SHLD2: variants seen among roughly 807,000 people sequenced by gnomAD.
The protein encoded by SHLD2 is shieldin complex subunit 2, also known as RINN1-REV7-interacting novel NHEJ regulator 2.
Under a neutral mutation model 73.2 loss-of-function variants are expected in SHLD2, and 30 were observed. The ratio of observed to expected loss-of-function variants is 0.41; its 90% CI spans 0.31 to 0.56. The LOEUF is 0.56. Ranked by LOEUF, SHLD2 falls within the 20% of genes least tolerant of loss-of-function variation. The pLI is 0.28. For synonymous variants in SHLD2, 285 were observed against 370.1 expected (o/e 0.77, Z 2.64); for missense variants, 745 against 1,055.9 (o/e 0.71, Z 4.08).
At chr10:87,144,543 C>T (rs1273376896) in intron 2 of SHLD2, among the ~76,000 whole-genome samples, 1 of 151,106 alleles carries the variant, frequency 6.6e-6, no homozygotes, top group African/African-American at 2.4e-5. Context: ...ATCTTATATC[C>T]TTTCATAAGT....
chr10:87,160,843 T>A (rs1295196996), intron 4 of SHLD2, among the ~76,000 whole-genome samples: 4 of 151,928 alleles, frequency 2.6e-5, no homozygotes, highest in African/African-American at 9.7e-5. Context: ...GATGAAAAAT[T>A]AGCCAGGTGT....
At chr10:87,112,413 C>G (rs2134012795) in intron 2 of SHLD2, among the ~76,000 whole-genome samples, 1 of 151,998 alleles carries the variant, frequency 6.6e-6, no homozygotes, top group Middle Eastern at 3.4e-3. Flanking sequence ...GCCTATAATC[C>G]CAGCACTTTG....
intron 2 of SHLD2, among the ~76,000 whole-genome samples, chr10:87,121,905 C>T (rs1325118081): frequency 3.3e-5 from 5 of 151,706 alleles, no homozygotes; most frequent in Admixed American, 1.3e-4. Flanking sequence ...GCTGGGATCA[C>T]AGGTATATGT....
intron 2 of SHLD2, among the ~76,000 whole-genome samples, chr10:87,123,446 T>C (rs1398981404): frequency 2.6e-5 from 4 of 151,982 alleles, no homozygotes; most frequent in African/African-American, 7.2e-5. Flanking sequence ...GAACTACAGG[T>C]GTGCATGCCT....
At chr10:87,174,148 A>G (rs1352466068) in intron 6 of SHLD2, among the ~76,000 whole-genome samples, 2 of 151,944 alleles carry the variant, frequency 1.3e-5, no homozygotes, top group East Asian at 1.9e-4. Context: ...GGTATCATGT[A>G]TAATTGTGAA....
At chr10:87,160,857 G>A (rs906439737) in intron 4 of SHLD2, among the ~76,000 whole-genome samples, 11 of 151,990 alleles carry the variant, frequency 7.2e-5, no homozygotes, top group African/African-American at 2.7e-4. Context: ...CAGGTGTGGT[G>A]GTGCATGCCT....
At chr10:87,131,285 T>C (rs1205971428) in intron 2 of SHLD2, among the ~76,000 whole-genome samples, 1 of 152,112 alleles carries the variant, frequency 6.6e-6, no homozygotes, top group East Asian at 1.9e-4. Context: ...TCACAATGTT[T>C]TACAGCCATC....
chr10:87,094,980 C>T (rs1208909998), upstream of SHLD2: 4 of 202,618 alleles, frequency 2.0e-5, no homozygotes, highest in Non-Finnish European at 9.7e-6. The surrounding 1 kb of genome is among the most constrained non-coding windows in gnomAD (Gnocchi z 6.6). Flanking sequence ...CGGGCCTCCG[C>T]CTCCGCCGCG....
upstream of SHLD2, chr10:87,094,857 C>T: frequency 1.8e-6 from 2 of 1,091,102 alleles, no homozygotes; most frequent in Non-Finnish European, 2.6e-6. This position sits in a 1 kb window ranked among gnomAD's most constrained non-coding sequence, Gnocchi z 6.6. Flanking sequence ...GGGTCCCGCG[C>T]GGGTTGCCCT....
intron 2 of SHLD2, among the ~76,000 whole-genome samples, chr10:87,097,248 T>C (rs1841957534): frequency 6.6e-6 from 1 of 152,214 alleles, no homozygotes; most frequent in Admixed American, 6.5e-5. Context: ...CTTCTGTGAC[T>C]TGTTCACCTG....
chr10:87,160,966 G>A (rs181325537), intron 4 of SHLD2, among the ~76,000 whole-genome samples: 3 of 148,434 alleles, frequency 2.0e-5, no homozygotes, highest in Admixed American at 6.8e-5. Flanking sequence ...CAGCCTGAGC[G>A]ACAGAGTGAG....
At chr10:87,157,375 GCCTTAGAGATAGCTC>G in intron 3 of SHLD2, among the ~76,000 whole-genome samples, 1 of 152,172 alleles carries the variant, frequency 6.6e-6, no homozygotes, top group East Asian at 1.9e-4. Flanking sequence ...ATTAGATCCT[GCCTTAGAGATAGCTC>G]CCTTCCCCTC....
At chr10:87,111,721 G>A (rs924316465) in intron 2 of SHLD2, among the ~76,000 whole-genome samples, 2 of 150,042 alleles carry the variant, frequency 1.3e-5, no homozygotes, top group Admixed American at 1.3e-4. Context: ...CAAGCAACCT[G>A]CCTGCTTTGG....
rs554991732 is a variant in SHLD2 at position 87,146,397 on chromosome 10, G to A, written c.-5-4953G>A. 1.7e-3 allele frequency among the ~76,000 whole-genome samples: 251 copies of A among 152,092 alleles called. 1 individual carries two copies. Among genetic ancestry groups the A allele is most frequent in the African/African-American group, 5.5e-3 (230 of 41,500 alleles). ...CAACCTCCACCTCCTGGGTTCAAGC[G>A]ATTCTCCTGCCTCAGCCTCTGGTGT... On this transcript the variant is annotated intron_variant, in intron 2 of 9. Transcript: ENST00000298786.
Position 87,176,205 on chromosome 10 carries a change from T to G in SHLD2, c.2170+110T>G, listed in dbSNP as rs868767375. ...GGTGTGAACACAGCTCACTGCAGTC[T>G]CCACCTCCCAGGTTTAAGTGATTCT... On this transcript the variant is annotated intron_variant, in intron 7 of 9. Coordinates refer to ENST00000298786, the MANE Select transcript of SHLD2 (RefSeq NM_001330112.2). The G allele has an allele frequency of 3.7e-5, 50 of 1,344,840 alleles. No homozygotes were observed. In the Middle Eastern group the frequency reaches 1.0e-3, roughly 28 times the overall value. The allele number at this position is 1,344,840 out of a possible 1,614,324, so 83.3% of individuals were successfully genotyped here.
intron 6 of SHLD2, among the ~76,000 whole-genome samples, chr10:87,174,781 A>G (rs756925915): frequency 6.6e-6 from 1 of 152,210 alleles, no homozygotes; most frequent in Non-Finnish European, 1.5e-5. Flanking sequence ...TTACTAATAG[A>G]GAATATAACA....
At chr10:87,146,340 C>T (rs1165077861) in intron 2 of SHLD2, among the ~76,000 whole-genome samples, 6 of 152,044 alleles carry the variant, frequency 3.9e-5, no homozygotes, top group Non-Finnish European at 8.8e-5. Context: ...GTTGTCCAGG[C>T]TGGAGTGCAG....
chr10:87,111,951 G>A (rs1564579808), intron 2 of SHLD2, among the ~76,000 whole-genome samples: 1 of 151,972 alleles, frequency 6.6e-6, no homozygotes, highest in South Asian at 2.1e-4. Flanking sequence ...TTGAAACAAT[G>A]GGCAGGCCAG....
At chr10:87,157,693 T>G (rs1329390152) in intron 3 of SHLD2, among the ~76,000 whole-genome samples, 1 of 152,230 alleles carries the variant, frequency 6.6e-6, no homozygotes, top group Admixed American at 6.5e-5. Context: ...CACTACGGCT[T>G]TGGAACCACT....
Sources: allele counts gnomAD v4.1 joint callset (sites outside exome capture counted in the v4.1 genomes callset), GRCh38; gene constraint gnomAD v4.1.1; non-coding constraint Gnocchi (gnomAD v3.1); transcripts MANE v1.5; gene names NCBI Gene and HGNC (gene_info 2026-07-23, HGNC 2026-07-21).